The following LRGUK variants were observed in gnomAD, a reference collection of about 807,000 sequenced individuals.
The protein encoded by LRGUK is leucine-rich repeat and guanylate kinase domain-containing protein.
A neutral mutation model predicts 76.0 loss-of-function variants in LRGUK; 65 were observed. That is an observed-to-expected ratio of 0.85 (90% CI 0.70 to 1.05). The LOEUF (loss-of-function observed/expected upper bound fraction) is 1.05. Among genes scored for constraint, LRGUK ranks in the 50% least tolerant of loss-of-function variants. The pLI is 0.00. For missense variants in LRGUK, 758 were observed against 732.8 expected (o/e 1.03, Z -0.40); for synonymous variants, 268 against 265.6 (o/e 1.01, Z -0.09).
exon 12 of LRGUK, chr7:134,191,710 C>G (rs1024724399): frequency 3.1e-6 from 5 of 1,612,860 alleles, no homozygotes; most frequent in African/African-American, 2.7e-5. Flanking sequence ...AGTTGATTAT[C>G]ATTTTATCTC....
At chr7:134,186,087 C>A (rs1481127102) in intron 11 of LRGUK, among the ~76,000 whole-genome samples, 2 of 152,172 alleles carry the variant, frequency 1.3e-5, no homozygotes, top group Non-Finnish European at 2.9e-5. Flanking sequence ...ACCAAAGTGA[C>A]CTATGAGGAA....
At chr7:134,210,590 G>T (rs377640266), downstream of LRGUK, among the ~76,000 whole-genome samples, 4 of 152,174 alleles carry the variant, frequency 2.6e-5, no homozygotes, top group Admixed American at 1.3e-4. Context: ...GAGGGAAAAG[G>T]CCCCTGCGGA....
At chr7:134,266,629 A>G (rs1415285705), downstream of LRGUK, among the ~76,000 whole-genome samples, 1 of 152,238 alleles carries the variant, frequency 6.6e-6, no homozygotes, top group Non-Finnish European at 1.5e-5. Flanking sequence ...ATAGACTGAA[A>G]AACAATATGA....
chr7:134,199,441 G>C lies in LRGUK; in HGVS notation c.1747+20G>C, dbSNP rs1359499695. The C allele has an allele frequency of 6.3e-7, 1 of 1,597,734 alleles. No homozygotes were observed. Reference sequence around the variant, plus strand: ...ATGCAGGTTGGTAATTTTCAGCAAAGTTTTGTTTTTGAAATGTAAGATTAC... The same window carrying C: ...ATGCAGGTTGGTAATTTTCAGCAAACTTTTGTTTTTGAAATGTAAGATTAC... On this transcript the variant is annotated intron_variant, in intron 14 of 15. Coordinates refer to ENST00000645682, the Ensembl canonical transcript of LRGUK.
At chr7:134,190,266 G>A (rs1257987894) in intron 11 of LRGUK, among the ~76,000 whole-genome samples, 1 of 152,104 alleles carries the variant, frequency 6.6e-6, no homozygotes, top group Non-Finnish European at 1.5e-5. Context: ...GAATGCAATG[G>A]GGCAATTATG....
At chr7:134,143,470 G>A (rs1205508705) in intron 4 of LRGUK, among the ~76,000 whole-genome samples, 14 of 151,944 alleles carry the variant, frequency 9.2e-5, no homozygotes, top group Admixed American at 8.5e-4. Flanking sequence ...TGTTGTTATA[G>A]TGGAACAATT....
At chr7:134,154,719 A>G (rs1195810225) in intron 5 of LRGUK, among the ~76,000 whole-genome samples, 1 of 152,240 alleles carries the variant, frequency 6.6e-6, no homozygotes, top group Non-Finnish European at 1.5e-5. Context: ...TGGTACCTGC[A>G]GAAACCATAG....
chr7:134,206,182 G>C (rs1800996533), intron 15 of LRGUK, among the ~76,000 whole-genome samples: 1 of 152,168 alleles, frequency 6.6e-6, no homozygotes, highest in Non-Finnish European at 1.5e-5. Context: ...TAGGTACACA[G>C]TGATTATAAA....
chr7:134,204,525 C>G (rs1425624500), intron 15 of LRGUK, among the ~76,000 whole-genome samples: 2 of 152,244 alleles, frequency 1.3e-5, no homozygotes, highest in East Asian at 3.9e-4. Flanking sequence ...AAATCACTAG[C>G]CTCAAGGCCC....
intron 8 of LRGUK, 79 bp from the exon 9 acceptor site, chr7:134,176,898 C>A: frequency 1.2e-6 from 1 of 802,182 alleles, no homozygotes; most frequent in Non-Finnish European, 2.1e-6. Flanking sequence ...AAGGCCCAAG[C>A]TCATGAAAAC....
At chr7:134,191,591 G>C in intron 11 of LRGUK, 64 bp from the exon 12 acceptor site, 1 of 1,055,654 alleles carries the variant, frequency 9.5e-7, no homozygotes, top group African/African-American at 1.6e-5. Context: ...AATTTATATT[G>C]AAACCTTTTC....
intron 5 of LRGUK, among the ~76,000 whole-genome samples, chr7:134,154,415 AT>A (rs1206892942): frequency 6.6e-6 from 1 of 152,234 alleles, no homozygotes; most frequent in Non-Finnish European, 1.5e-5. Flanking sequence ...AAGACCATCT[AT>A]GAACTCAAAG....
At chr7:134,272,345 A>G in the LRGUK span, among the ~76,000 whole-genome samples, 2 of 152,060 alleles carry the variant, frequency 1.3e-5, no homozygotes, top group African/African-American at 4.8e-5. Context: ...ATTCATATGG[A>G]TAGGTCAAAA....
intron 10 of LRGUK, among the ~76,000 whole-genome samples, chr7:134,180,890 C>T (rs935351446): frequency 2.0e-5 from 3 of 152,162 alleles, no homozygotes; most frequent in African/African-American, 7.2e-5. Context: ...TAAGCAATAA[C>T]TCCTGGTTCT....
intron 17 of LRGUK, 151 bp from the exon 18 acceptor site, chr7:134,248,800 G>A (rs531287490): frequency 6.0e-6 from 3 of 497,916 alleles, no homozygotes; most frequent in African/African-American, 6.0e-5. Flanking sequence ...AAGCTCTGAT[G>A]TGCATGTTTC....
At chr7:134,169,339 G>A (rs1662758317) in intron 7 of LRGUK, among the ~76,000 whole-genome samples, 1 of 152,154 alleles carries the variant, frequency 6.6e-6, no homozygotes, top group African/African-American at 2.4e-5. Flanking sequence ...GCACAGGACT[G>A]CTGACACCTT....
At chr7:134,230,443 G>A (rs1801864050) in intron 16 of LRGUK, among the ~76,000 whole-genome samples, 1 of 152,178 alleles carries the variant, frequency 6.6e-6, no homozygotes, top group Non-Finnish European at 1.5e-5. Context: ...ATTTACTAAA[G>A]TTGAACATGC....
At chr7:134,248,973 A>C in exon 18 of LRGUK, 1 of 1,549,288 alleles carries the variant, frequency 6.5e-7, no homozygotes, top group Non-Finnish European at 8.7e-7. Flanking sequence ...AGCACCTCTC[A>C]CCAGTGGTCT....
intron 17 of LRGUK, 86 bp downstream of exon 17, chr7:134,247,730 G>A: frequency 9.7e-7 from 1 of 1,035,210 alleles, no homozygotes; most frequent in Non-Finnish European, 1.5e-6. Flanking sequence ...AACATAAACA[G>A]AGACCTCTGT....
Sources: gnomAD v4.1 joint callset for allele counts (sites outside exome capture counted in the v4.1 genomes callset) on GRCh38, gnomAD v4.1.1 for gene constraint, MANE v1.5 for transcripts, NCBI Gene and HGNC (gene_info 2026-07-23, HGNC 2026-07-21) for gene names.